The following DGKB variants were observed in gnomAD, a reference collection of about 807,000 sequenced individuals.
DGKB encodes the protein diacylglycerol kinase beta.
A neutral mutation model predicts 114.3 loss-of-function variants in DGKB; 67 were observed. That is an observed-to-expected ratio of 0.59 (90% CI 0.48 to 0.72). The LOEUF (loss-of-function observed/expected upper bound fraction) is 0.72. DGKB is among the 30% of genes least tolerant of loss of function. The probability of loss-of-function intolerance (pLI) is 0.00; values close to 1 mark genes in which losing one functional copy is unlikely to be tolerated. For synonymous variants in DGKB, 398 were observed against 323.1 expected (o/e 1.23, Z -2.49); for missense variants, 907 against 975.2 (o/e 0.93, Z 0.93).
chr7:14,206,700 G>A lies in DGKB; in HGVS notation c.2123-28549C>T, dbSNP rs547008649. 5.9e-5 allele frequency among the ~76,000 whole-genome samples: 9 copies of A among 152,114 alleles called. No individual in the cohort carries two copies. In the East Asian group the frequency reaches 1.6e-3, roughly 26 times the overall value. ...TGTAGTTTCTATACCCATAAAATAG[G>A]AATAGTGTCGTATATCCTGGTTGCC... On this transcript the variant is annotated intron_variant, in intron 23 of 25. Transcript: ENST00000402815.
rs563372295 is a variant in DGKB, at chr7:14,191,749, C to A, written c.2123-13598G>T. On this transcript the variant is annotated intron_variant, in intron 23 of 25. Transcript: ENST00000402815. ...TTCACTGTGCCAACATTGCTGATGA[C>A]AGCAAAAATGACCCACCAATGGAAA... The A allele has an allele frequency of 8.7e-6, 3 of 344,234 alleles. No individual in the cohort carries two copies. The East Asian group carries it at 2.4e-4, about 27-fold the overall frequency. The allele number at this position is 344,234 out of a possible 1,614,324, so 21.3% of individuals were successfully genotyped here.
intron 20 of DGKB, among the ~76,000 whole-genome samples, chr7:14,493,313 A>G (rs1369993867): frequency 6.6e-6 from 1 of 152,112 alleles, no homozygotes; most frequent in Non-Finnish European, 1.5e-5. Flanking sequence ...AACCGTGTAT[A>G]TAAGTATATA....
intron 23 of DGKB, among the ~76,000 whole-genome samples, chr7:14,213,900 A>G (rs1301739161): frequency 1.3e-5 from 2 of 152,168 alleles, no homozygotes; most frequent in Non-Finnish European, 1.5e-5. Context: ...CAAATAAAAT[A>G]AAAGAAAAAA....
At chr7:14,375,865 A>G (rs1318855734) in intron 21 of DGKB, among the ~76,000 whole-genome samples, 1 of 152,230 alleles carries the variant, frequency 6.6e-6, no homozygotes, top group East Asian at 1.9e-4. Flanking sequence ...TGGTGAGTTC[A>G]CCATAAACAT....
At chr7:14,387,260 A>T (rs899027041) in intron 21 of DGKB, among the ~76,000 whole-genome samples, 2 of 151,966 alleles carry the variant, frequency 1.3e-5, no homozygotes, top group Non-Finnish European at 2.9e-5. Flanking sequence ...CGTCTCTACT[A>T]AAATTAGCTG....
intron 23 of DGKB, among the ~76,000 whole-genome samples, chr7:14,231,646 ATATATT>A (rs1023563326): frequency 4.6e-5 from 7 of 151,764 alleles, no homozygotes; most frequent in Admixed American, 2.6e-4. Context: ...GTGTGTGTAC[ATATATT>A]TATATATAGT....
chr7:14,838,537 CCTCTCT>C (rs146089881), intron 2 of DGKB, among the ~76,000 whole-genome samples: 2 of 149,722 alleles, frequency 1.3e-5, no homozygotes, highest in Admixed American at 6.7e-5. Flanking sequence ...TCTCTCTTCC[CCTCTCT>C]CTCTCTCTCT....
intron 20 of DGKB, among the ~76,000 whole-genome samples, chr7:14,558,211 TATC>T (rs1796148452): frequency 6.6e-6 from 1 of 151,400 alleles, no homozygotes; most frequent in South Asian, 2.1e-4. Context: ...AGGATGACTA[TATC>T]ATAATTACAG....
chr7:14,596,012 T>C (rs964518657), intron 17 of DGKB, among the ~76,000 whole-genome samples: 1 of 152,156 alleles, frequency 6.6e-6, no homozygotes, highest in Non-Finnish European at 1.5e-5. Flanking sequence ...ACTGTTTGAA[T>C]TCATGATATA....
At chr7:14,468,963 T>A (rs960093672) in intron 21 of DGKB, among the ~76,000 whole-genome samples, 15 of 152,034 alleles carry the variant, frequency 9.9e-5, no homozygotes, top group African/African-American at 3.4e-4. Context: ...ATTTAAAATA[T>A]TTGCATGGAA....
chr7:14,899,595 C>T (rs1447777214), intron 1 of DGKB, among the ~76,000 whole-genome samples: 1 of 152,092 alleles, frequency 6.6e-6, no homozygotes, highest in Non-Finnish European at 1.5e-5. Flanking sequence ...CTTTTCTCCT[C>T]TCATATTAAC....
At chr7:14,854,236 C>T (rs1849798093) in intron 1 of DGKB, among the ~76,000 whole-genome samples, 1 of 152,132 alleles carries the variant, frequency 6.6e-6, no homozygotes, top group Non-Finnish European at 1.5e-5. Context: ...GCTTAATCTG[C>T]CTAAAACTGT....
chr7:14,874,903 C>G (rs1347298827), intron 1 of DGKB, among the ~76,000 whole-genome samples: 2 of 152,200 alleles, frequency 1.3e-5, no homozygotes, highest in African/African-American at 2.4e-5. Flanking sequence ...AACAGCTTTA[C>G]AGTATCTTCC....
chr7:14,603,399 C>A (rs1478874980), intron 17 of DGKB, among the ~76,000 whole-genome samples: 1 of 151,928 alleles, frequency 6.6e-6, no homozygotes, highest in Non-Finnish European at 1.5e-5. Context: ...GGATTCTGTT[C>A]ATTTCTGTGT....
At chr7:14,501,525 G>T (rs1786178201) in intron 20 of DGKB, among the ~76,000 whole-genome samples, 1 of 151,892 alleles carries the variant, frequency 6.6e-6, no homozygotes, top group African/African-American at 2.4e-5. Context: ...GGAGAAACTT[G>T]CTTAATGAAA....
At chr7:14,312,848 A>T (rs932131280) in intron 23 of DGKB, among the ~76,000 whole-genome samples, 23 of 152,334 alleles carry the variant, frequency 1.5e-4, no homozygotes, top group Admixed American at 1.4e-3. Context: ...GAAAATTAGG[A>T]ATTTAGAAAC....
At chr7:14,388,238 G>C (rs1359912743) in intron 21 of DGKB, among the ~76,000 whole-genome samples, 1 of 142,128 alleles carries the variant, frequency 7.0e-6, no homozygotes, top group Non-Finnish European at 1.5e-5. Context: ...TGCAGATTTG[G>C]TAAAATGATC....
At chr7:14,837,729 T>A (rs1260844005) in intron 2 of DGKB, among the ~76,000 whole-genome samples, 1 of 152,160 alleles carries the variant, frequency 6.6e-6, no homozygotes, top group Non-Finnish European at 1.5e-5. Context: ...AAACTGATCA[T>A]GCATATTGAA....
At chr7:14,501,468 GAA>G (rs1249404889) in intron 20 of DGKB, among the ~76,000 whole-genome samples, 1 of 151,894 alleles carries the variant, frequency 6.6e-6, no homozygotes, top group Non-Finnish European at 1.5e-5. Context: ...AGTACAAAAT[GAA>G]AAGAGGTTGT....
Sources: allele counts gnomAD v4.1 joint callset (sites outside exome capture counted in the v4.1 genomes callset), GRCh38; gene constraint gnomAD v4.1.1; transcripts MANE v1.5; gene names NCBI Gene and HGNC (gene_info 2026-07-23, HGNC 2026-07-21).